Variants in EXO5 observed in about 807,000 individuals in gnomAD.
EXO5 encodes the protein exonuclease V.
In EXO5, 11 loss-of-function variants were observed where a neutral mutation model predicts 17.8. The observed-to-expected ratio is 0.62, with a 90% confidence interval of 0.39 to 1.02. The LOEUF (loss-of-function observed/expected upper bound fraction) is 1.02, where lower values mean the gene tolerates loss of function less well. EXO5 is among the 50% of genes least tolerant of loss of function. The pLI is 0.00. For synonymous variants in EXO5, 147 were observed against 166.5 expected (o/e 0.88, Z 0.90); for missense variants, 364 against 434.8 (o/e 0.84, Z 1.45).
Position 40,514,986 on chromosome 1 carries a change from C to T in EXO5, c.442C>T (p.Leu148=). 1 of 1,614,166 alleles carries T rather than the reference C, an allele frequency of 6.2e-7. No individual in the cohort carries two copies. Among genetic ancestry groups the T allele is most frequent in the Non-Finnish European group, 8.5e-7 (1 of 1,180,020 alleles). ...AGAAGATGCTTGGGCAATTAAGTTT[C>T]TGAACATACTTTTGCTGATTCCTAC... ...TKEDAWAIKF[L]NILLLIPTLQ... Residue 148 remains leucine, a synonymous_variant, in exon 4 of 4, where the codon CTG becomes TTG. Transcript: ENST00000415550.
chr1:40,511,375 T>C (rs1645774270), intron 3 of EXO5, among the ~76,000 whole-genome samples: 1 of 152,246 alleles, frequency 6.6e-6, no homozygotes, highest in East Asian at 1.9e-4. Flanking sequence ...CATTGACAGT[T>C]TATAACACTT....
chr1:40,514,912 C>G lies in EXO5; in HGVS notation c.368C>G (p.Ala123Gly). 1.2e-6 allele frequency: 2 copies of G among 1,614,168 alleles called. No homozygotes were observed. Among genetic ancestry groups the G allele is most frequent in the Non-Finnish European group, 1.7e-6 (2 of 1,180,020 alleles). Residue 123 changes from alanine (A) to glycine (G), a missense_variant, in exon 4 of 4, where the codon GCT becomes GGT. By Grantham distance (60) the Ala-to-Gly change is moderately conservative. Coordinates refer to ENST00000415550, the MANE Select transcript of EXO5 (RefSeq NM_001346953.2). ...VLDTGASIHL[A>G]RELELHDLVT... ...GACACTGGTGCCAGCATACACCTAG[C>G]TAGAGAACTAGAACTTCATGATCTT... is the stretch of plus-strand genomic sequence containing the variant.
intron 3 of EXO5, among the ~76,000 whole-genome samples, chr1:40,510,266 C>G (rs752202143): frequency 2.0e-5 from 3 of 152,066 alleles, no homozygotes; most frequent in Non-Finnish European, 4.4e-5. Flanking sequence ...GATGGCTGCT[C>G]CAATAACAGT....
intron 3 of EXO5, among the ~76,000 whole-genome samples, chr1:40,511,062 C>T (rs1387838546): frequency 2.6e-5 from 4 of 152,048 alleles, no homozygotes; most frequent in Non-Finnish European, 4.4e-5. Context: ...GATGAAACCC[C>T]GTCTCTACTA....
intron 3 of EXO5, among the ~76,000 whole-genome samples, chr1:40,513,813 T>G (rs1000813284): frequency 6.6e-6 from 1 of 151,712 alleles, no homozygotes; most frequent in Non-Finnish European, 1.5e-5. Context: ...GGTCTTGAAC[T>G]CCTGACCTCA....
chr1:40,513,583 C>CT lies in EXO5; in HGVS notation c.-30-917dup, dbSNP rs576118331. ...GCAGAAAAGGCAAACCTCAAATCTC[C>CT]TTTTTTTTTTTTTTTCTTTTTCTTG... On this transcript the variant is annotated intron_variant, in intron 3 of 3. Coordinates refer to ENST00000415550, the MANE Select transcript of EXO5 (RefSeq NM_001346953.2). Among the ~76,000 whole-genome samples the CT allele has an allele frequency of 3.9e-3, 559 of 142,350 alleles. 1 individual carries two copies. The highest frequency in any genetic ancestry group is 7.5e-3 in the African/African-American group (293 of 38,820). The allele number at this position is 142,350 out of a possible 152,430, so 93.4% of individuals were successfully genotyped here.
At position 40,514,741 on chromosome 1, in the gene EXO5, G is replaced by T; in HGVS notation, c.197G>T (p.Gly66Val). The T allele has an allele frequency of 6.2e-7, 1 of 1,614,148 alleles. No individual in the cohort carries two copies. The change falls in exon 4 of 4, where the codon GGA becomes GTA. Residue 66 changes from glycine to valine, a missense_variant. Coordinates refer to ENST00000415550, the MANE Select transcript of EXO5 (RefSeq NM_001346953.2). ...ATAAGCTTACAAAACTGGAAAAGAG[G>T]ATTGGATATATTATCACCCATGGAG... is the stretch of plus-strand genomic sequence containing the variant. ...KPISLQNWKR[G>V]LDILSPMERF... is the part of the protein sequence containing the mutation.
intron 3 of EXO5, among the ~76,000 whole-genome samples, chr1:40,510,899 T>C (rs1322168654): frequency 2.6e-5 from 4 of 152,212 alleles, no homozygotes; most frequent in African/African-American, 4.8e-5. Context: ...GGACTTGGAG[T>C]TCCCCCTCAC....
rs778780840 is a variant in EXO5 at position 40,514,656 on chromosome 1, A to G, written c.112A>G (p.Lys38Glu). The change falls in exon 4 of 4, where the codon AAG (lysine) becomes GAG (glutamate). Residue 38 changes from lysine to glutamate, a missense_variant. Physicochemically the swap from Lys to Glu is moderately conservative, Grantham distance 56. Coordinates refer to ENST00000415550, the MANE Select transcript of EXO5 (RefSeq NM_001346953.2). ...FLDLEDAQES[K>E]ALVNMPGPSS... ...GGACCTAGAAGATGCCCAAGAGTCA[A>G]AGGCTTTAGTTAACATGCCTGGCCC... The G allele has an allele frequency of 1.2e-6, 2 of 1,614,184 alleles. No individual in the cohort carries two copies. The highest frequency in any genetic ancestry group is 1.7e-6 in the Non-Finnish European group (2 of 1,180,030).
intron 3 of EXO5, among the ~76,000 whole-genome samples, chr1:40,514,203 C>G (rs1195903709): frequency 6.6e-6 from 1 of 151,696 alleles, no homozygotes; most frequent in Non-Finnish European, 1.5e-5. Context: ...TGGCATGAAC[C>G]CGGGAGGCAG....
At chr1:40,511,427 T>C (rs1471852545) in intron 3 of EXO5, among the ~76,000 whole-genome samples, 1 of 152,250 alleles carries the variant, frequency 6.6e-6, no homozygotes, top group African/African-American at 2.4e-5. Flanking sequence ...TATTGAAATA[T>C]CCTGTAAAGC....
At chr1:40,512,750 C>T (rs995580419) in intron 3 of EXO5, among the ~76,000 whole-genome samples, 15 of 152,058 alleles carry the variant, frequency 9.9e-5, no homozygotes, top group East Asian at 1.9e-4. Context: ...TACAGGTGCC[C>T]GCCACCACAC....
chr1:40,510,040 A>C (rs1406969860), intron 3 of EXO5, among the ~76,000 whole-genome samples: 2 of 152,186 alleles, frequency 1.3e-5, no homozygotes, highest in Non-Finnish European at 2.9e-5. Flanking sequence ...ATACTACTAA[A>C]TGCTACCGAA....
At chr1:40,509,677 T>C (rs943077694) in intron 2 of EXO5, 52 bp downstream of exon 2, 1 of 152,194 alleles carries the variant, frequency 6.6e-6, no homozygotes. Context: ...CCTAAGTTGC[T>C]AATTTAGGTT....
chr1:40,513,996 TA>T (rs1400777670), intron 3 of EXO5, among the ~76,000 whole-genome samples: 4 of 149,374 alleles, frequency 2.7e-5, no homozygotes, highest in Non-Finnish European at 6.0e-5. Flanking sequence ...TTTTTCCACT[TA>T]AAAAATTCTG....
Position 40,515,156 on chromosome 1 carries a change from G to T in EXO5, c.612G>T (p.Met204Ile). The change falls in exon 4 of 4, where the codon ATG becomes ATT. Residue 204 changes from methionine to isoleucine, a missense_variant. Physicochemically the swap from Met to Ile is conservative, Grantham distance 10. Coordinates refer to ENST00000415550, the MANE Select transcript of EXO5 (RefSeq NM_001346953.2). Reference sequence around the variant, plus strand: ...AACTCAAGACACGCAGGCGCCCTATGCTCCCTCTGGAAGCTCAGAAGAAGA... The same window carrying T: ...AACTCAAGACACGCAGGCGCCCTATTCTCCCTCTGGAAGCTCAGAAGAAGA... ...LAELKTRRRP[M>I]LPLEAQKKKD... 6.2e-7 allele frequency: 1 copy of T among 1,614,120 alleles called. No individual in the cohort carries two copies. The highest frequency in any genetic ancestry group is 8.5e-7 in the Non-Finnish European group (1 of 1,180,028).
chr1:40,509,438 C>CT lies in EXO5; in HGVS notation c.-263-9dup, dbSNP rs1645730622. The CT allele has an allele frequency of 6.6e-6, 1 of 152,218 alleles. No individual in the cohort carries two copies. The highest frequency in any genetic ancestry group is 2.4e-5 in the African/African-American group (1 of 41,430). The allele number at this position is 152,218 out of a possible 1,614,324, so 9.4% of individuals were successfully genotyped here. A position where few individuals can be genotyped will look rare whatever the true frequency, so the allele number is the denominator to read the frequency against. On this transcript the variant is annotated splice_polypyrimidine_tract_variant and intron_variant, in intron 1 of 3. Transcript: ENST00000415550. ...TTGGGGATCTTGGTTATGTCTGACC[C>CT]TTTTACTTTCAGGGAGCAGGGATTG...
chr1:40,515,835 G>T lies in EXO5; in HGVS notation c.*169G>T. The T allele has an allele frequency of 1.5e-6, 1 of 655,944 alleles. No individual in the cohort carries two copies. The highest frequency in any genetic ancestry group is 2.8e-5 in the East Asian group (1 of 35,718). 40.6% of individuals were successfully genotyped at this position (655,944 alleles called of 1,614,324 possible). On this transcript the variant is annotated 3_prime_UTR_variant, in exon 4 of 4. Coordinates refer to ENST00000415550, the MANE Select transcript of EXO5 (RefSeq NM_001346953.2). The stretch of plus-strand genomic sequence containing the variant: ...CAGTCCAGGACCAAGGCTCAGGGAT[G>T]AGTGGGAGAGATGGGTTATACTGTC...
At chr1:40,511,001 C>T (rs1447486877) in intron 3 of EXO5, among the ~76,000 whole-genome samples, 2 of 151,998 alleles carry the variant, frequency 1.3e-5, no homozygotes, top group Middle Eastern at 3.2e-3. Context: ...TTTGGGAGGC[C>T]GAGGCGGGTG....
Sources: allele counts gnomAD v4.1 joint callset (sites outside exome capture counted in the v4.1 genomes callset), GRCh38; gene constraint gnomAD v4.1.1; transcripts MANE v1.5; gene names NCBI Gene and HGNC (gene_info 2026-07-23, HGNC 2026-07-21).